The following CUX2 variants were observed in gnomAD, a reference collection of about 807,000 sequenced individuals.
CUX2 encodes cut like homeobox 2, also known as homeobox protein cut-like 2.
A neutral mutation model predicts 144.8 loss-of-function variants in CUX2; 40 were observed. The observed-to-expected ratio is 0.28, with a 90% confidence interval of 0.21 to 0.36. The LOEUF is 0.36. Among genes scored for constraint, CUX2 ranks in the 10% least tolerant of loss-of-function variants. The pLI is 1.00. For synonymous variants in CUX2, 827 were observed against 875.6 expected, an observed-to-expected ratio of 0.94 and a Z score of 0.98; for missense variants, 1,615 against 1,994.0, an observed-to-expected ratio of 0.81 and a Z score of 3.62.
rs565647125 is a variant in CUX2 at position 111,349,857 on chromosome 12, A to G, written c.*1532A>G. 2.0e-5 allele frequency: 3 copies of G among 152,354 alleles called. No homozygotes were observed. Among genetic ancestry groups the G allele is most frequent in the African/African-American group, 7.2e-5 (3 of 41,574 alleles). The allele number at this position is 152,354 out of a possible 1,614,324, so 9.4% of individuals were successfully genotyped here. Reference sequence around the variant, plus strand: ...GGTGAATATAATCAATGCCAATGTAATGCCAGCGGGTGAGATGGCCGATGG... The same window carrying G: ...GGTGAATATAATCAATGCCAATGTAGTGCCAGCGGGTGAGATGGCCGATGG... On this transcript the variant is annotated 3_prime_UTR_variant, in exon 22 of 22. Coordinates refer to ENST00000261726, the MANE Select transcript of CUX2 (RefSeq NM_015267.4).
chr12:111,333,895 TA>T (rs139764308), intron 18 of CUX2, among the ~76,000 whole-genome samples: 7,054 of 151,496 alleles, frequency 0.047, 416 homozygotes, highest in African/African-American at 0.12. Flanking sequence ...CCTTTGTAAT[TA>T]CTAAGCATCG....
At chr12:111,122,194 C>G (rs1290866228) in intron 1 of CUX2, among the ~76,000 whole-genome samples, 1 of 152,200 alleles carries the variant, frequency 6.6e-6, no homozygotes, top group Non-Finnish European at 1.5e-5. Context: ...ATCTTCTCAA[C>G]TCATATTCCA....
rs564823732 is a variant in CUX2, at chr12:111,217,992, C to T, written c.222+55C>T. ...AAAGTGCCCCCAATGGCTCCCCCTC[C>T]TATCCCACCTAGAGTTGCCCAGGGG... On this transcript the variant is annotated intron_variant, in intron 3 of 21. Coordinates refer to ENST00000261726, the MANE Select transcript of CUX2 (RefSeq NM_015267.4). 6.9e-6 allele frequency: 11 copies of T among 1,596,892 alleles called. No individual in the cohort carries two copies. In the South Asian group the frequency reaches 9.9e-5, roughly 14 times the overall value.
intron 1 of CUX2, among the ~76,000 whole-genome samples, chr12:111,113,468 C>G (rs1874106945): frequency 6.6e-6 from 1 of 152,070 alleles, no homozygotes; most frequent in East Asian, 1.9e-4. Flanking sequence ...GTTCTCTGAC[C>G]ACATTGCTTT....
intron 1 of CUX2, among the ~76,000 whole-genome samples, chr12:111,181,295 G>T (rs1272755715): frequency 6.6e-6 from 1 of 152,220 alleles, no homozygotes. Context: ...GGCCCCTCTC[G>T]GCTGTGGAGT....
intron 3 of CUX2, among the ~76,000 whole-genome samples, chr12:111,251,060 C>T (rs1184261897): frequency 6.6e-6 from 1 of 152,098 alleles, no homozygotes; most frequent in East Asian, 1.9e-4. Flanking sequence ...TAAAGAAAGC[C>T]TCCTGTCCCT....
At chr12:111,245,845 C>T (rs542736737) in intron 3 of CUX2, among the ~76,000 whole-genome samples, 1 of 151,960 alleles carries the variant, frequency 6.6e-6, no homozygotes, top group Non-Finnish European at 1.5e-5. Context: ...CGTTTCATCC[C>T]CAAAGCAGAG....
At chr12:111,158,764 GA>G (rs957344958) in intron 1 of CUX2, among the ~76,000 whole-genome samples, 6 of 151,080 alleles carry the variant, frequency 4.0e-5, no homozygotes, top group Admixed American at 6.6e-5. Context: ...TCTACTTAAA[GA>G]AAAAAAAAGA....
chr12:111,347,820 G>C lies in CUX2; in HGVS notation c.3956G>C (p.Gly1319Ala), dbSNP rs746119842. The change falls in exon 22 of 22, where the codon GGG becomes GCG. Residue 1319 changes from glycine (G) to alanine (A), a missense_variant. Gly to Ala is a moderately conservative substitution (Grantham distance 60, BLOSUM62 0). Transcript: ENST00000261726. ...GCAGGCAGCCAGCCCCAGGACTCAGGGGAGCTGGACAAAGGCCAAGGTCCC... is the reference window on the plus strand; with the variant it reads ...GCAGGCAGCCAGCCCCAGGACTCAGCGGAGCTGGACAAAGGCCAAGGTCCC... ...EEAGSQPQDS[G>A]ELDKGQGPPK... 6.2e-7 allele frequency: 1 copy of C among 1,614,002 alleles called. No homozygotes were observed. Among genetic ancestry groups the C allele is most frequent in the South Asian group, 1.1e-5 (1 of 91,070 alleles).
chr12:111,099,811 C>T, intron 1 of CUX2: 1 of 418,406 alleles, frequency 2.4e-6, no homozygotes, highest in Non-Finnish European at 4.8e-6. Flanking sequence ...ACCCTCTGTC[C>T]CCTCCATGCC....
chr12:111,296,621 C>G, intron 8 of CUX2, 82 bp downstream of exon 8: 2 of 1,322,140 alleles, frequency 1.5e-6, no homozygotes, highest in Non-Finnish European at 2.1e-6. Context: ...CCAGTACTTG[C>G]CTCCTCCCTC....
At chr12:111,170,186 T>A (rs1002015586) in intron 1 of CUX2, among the ~76,000 whole-genome samples, 2 of 152,090 alleles carry the variant, frequency 1.3e-5, no homozygotes, top group Non-Finnish European at 2.9e-5. Flanking sequence ...ACGCCTGTAA[T>A]CCCAGCACTT....
chr12:111,109,856 C>T (rs1873831810), intron 1 of CUX2, among the ~76,000 whole-genome samples: 1 of 151,966 alleles, frequency 6.6e-6, no homozygotes, highest in South Asian at 2.1e-4. Flanking sequence ...GGGTGGATCT[C>T]CCCCGATCTC....
intron 3 of CUX2, among the ~76,000 whole-genome samples, chr12:111,241,185 CAA>C (rs762117280): frequency 1.6e-4 from 24 of 152,126 alleles, no homozygotes; most frequent in East Asian, 3.9e-4. Flanking sequence ...AGAGAGGAAA[CAA>C]GAGAGAGAAA....
rs1171678586 is a variant in CUX2 at position 111,190,485 on chromosome 12, G to A, written c.64-23715G>A. Among the ~76,000 whole-genome samples, 1 of 152,156 alleles carries A rather than the reference G, an allele frequency of 6.6e-6. No individual in the cohort carries two copies. The highest frequency in any genetic ancestry group is 2.4e-5 in the African/African-American group (1 of 41,432). ...TCATGAACATTCCTCCACCTAGCCTGGCCCCACTATCTAAGCTGCTCAAGC... is the reference window on the plus strand; with the variant it reads ...TCATGAACATTCCTCCACCTAGCCTAGCCCCACTATCTAAGCTGCTCAAGC... On this transcript the variant is annotated intron_variant, in intron 1 of 21. Coordinates refer to ENST00000261726, the MANE Select transcript of CUX2 (RefSeq NM_015267.4). The surrounding 1 kb of genome is among the most constrained non-coding windows in gnomAD (Gnocchi z 4.0).
intron 1 of CUX2, among the ~76,000 whole-genome samples, chr12:111,185,577 G>A (rs536243901): frequency 6.6e-6 from 1 of 152,346 alleles, no homozygotes; most frequent in African/African-American, 2.4e-5. Context: ...GGCTGTGCTA[G>A]GCCCAGAGCC....
In CUX2 at chr12:111,160,321, A is replaced by G. The variant is rs1313127653; in HGVS notation, c.64-53879A>G. ...GGCTGAGGAATCAGACCAGTCAGAG[A>G]TAGGTGTGTCTGGCCTGTGTGTGCA... On this transcript the variant is annotated intron_variant, in intron 1 of 21. Coordinates refer to ENST00000261726, the MANE Select transcript of CUX2 (RefSeq NM_015267.4). The surrounding 1 kb of genome is among the most constrained non-coding windows in gnomAD (Gnocchi z 4.1). 4.6e-5 allele frequency among the ~76,000 whole-genome samples: 7 copies of G among 152,170 alleles called. No homozygotes were observed. The South Asian group carries it at 1.2e-3, about 27-fold the overall frequency.
At position 111,285,705 on chromosome 12, in the gene CUX2, G is replaced by A. The variant is rs74943080; in HGVS notation, c.302-5713G>A. Among the ~76,000 whole-genome samples, 305 of 152,304 alleles carry A rather than the reference G, an allele frequency of 2.0e-3. 2 individuals are homozygous for A. Among genetic ancestry groups the A allele is most frequent in the African/African-American group, 6.8e-3 (283 of 41,564 alleles). ...TTCACCCCAGTGCCTCCATTTTTCCGTGTGGGAAATCGGGATCCAGCAGTG... is the reference window on the plus strand; with the variant it reads ...TTCACCCCAGTGCCTCCATTTTTCCATGTGGGAAATCGGGATCCAGCAGTG... On this transcript the variant is annotated intron_variant, in intron 4 of 21. Coordinates refer to ENST00000261726, the MANE Select transcript of CUX2 (RefSeq NM_015267.4).
intron 21 of CUX2, among the ~76,000 whole-genome samples, chr12:111,346,758 A>T (rs1888829060): frequency 6.6e-6 from 1 of 152,210 alleles, no homozygotes. Flanking sequence ...CAAGCCTGTG[A>T]TCCCAGCACT....
Sources: gnomAD v4.1 joint callset for allele counts (sites outside exome capture counted in the v4.1 genomes callset) on GRCh38, gnomAD v4.1.1 for gene constraint, Gnocchi (gnomAD v3.1) non-coding constraint, MANE v1.5 for transcripts, NCBI Gene and HGNC (gene_info 2026-07-23, HGNC 2026-07-21) for gene names.